The following ICAM1 variants were observed in gnomAD, a reference collection of about 807,000 sequenced individuals.
ICAM1 encodes the protein ICAM-1.
In ICAM1, 28 loss-of-function variants were observed where a neutral mutation model predicts 42.3. The ratio of observed to expected loss-of-function variants is 0.66; its 90% CI spans 0.49 to 0.91. The LOEUF (loss-of-function observed/expected upper bound fraction) is 0.91, where lower values mean the gene tolerates loss of function less well. ICAM1 is among the 40% of genes least tolerant of loss of function. The pLI is 0.00. For missense variants in ICAM1, 637 were observed against 688.6 expected (o/e 0.93, Z 0.84); for synonymous variants, 304 against 305.9 (o/e 0.99, Z 0.07).
chr19:10,272,555 CTTTTCTTTTTTTTT>C (rs2039989134), intron 1 of ICAM1, among the ~76,000 whole-genome samples: 1 of 108,512 alleles, frequency 9.2e-6, no homozygotes, highest in Non-Finnish European at 1.9e-5. Context: ...TCTTTCTTTT[CTTTTCTTTTTTTTT>C]TTTTTTTTTT....
At position 10,285,284 on chromosome 19, in the gene ICAM1, C is replaced by T; in HGVS notation, c.1596C>T (p.Pro532=). 6.2e-7 allele frequency: 1 copy of T among 1,613,660 alleles called. No homozygotes were observed. Among genetic ancestry groups the T allele is most frequent in the Non-Finnish European group, 8.5e-7 (1 of 1,179,712 alleles). The part of the protein sequence containing the change: ...PMKPNTQATP[P] ...AACCGAACACACAAGCCACGCCTCC[C>T]TGAACCTATCCCGGGACAGGGCCTC... The change falls in exon 7 of 7, where the codon CCC becomes CCT. Residue 532 remains proline, a synonymous_variant. Transcript: ENST00000264832.
rs1468830540 is a variant in ICAM1, at chr19:10,284,805, G to A, written c.1203G>A (p.Arg401=). Residue 401 remains arginine (R), a synonymous_variant, in exon 6 of 7, where the codon AGG becomes AGA. Coordinates refer to ENST00000264832, the MANE Select transcript of ICAM1 (RefSeq NM_000201.3). The surrounding 1 kb of genome is among the most constrained non-coding windows in gnomAD (Gnocchi z 5.4). ...RVLYGPRLDE[R]DCPGNWTWPE... ...CAGATGGCCCCCGACTGGACGAGAG[G>A]GATTGTCCGGGAAACTGGACGTGGC... 2 of 1,603,322 alleles carry A rather than the reference G, an allele frequency of 1.2e-6. No individual in the cohort carries two copies. The highest frequency in any genetic ancestry group is 3.6e-5 in the Admixed American group (2 of 55,588).
chr19:10,280,716 T>C (rs1330377035), intron 2 of ICAM1, among the ~76,000 whole-genome samples: 1 of 151,738 alleles, frequency 6.6e-6, no homozygotes, highest in Non-Finnish European at 1.5e-5. Flanking sequence ...ATTACAGGCA[T>C]GCGACACCAC....
chr19:10,274,732 A>G (rs1185128476), intron 1 of ICAM1, 33 bp from the exon 2 acceptor site: 1 of 1,601,144 alleles, frequency 6.2e-7, no homozygotes, highest in Non-Finnish European at 8.5e-7. Context: ...CCTGATTTGT[A>G]ATGCCTGTCG....
chr19:10,280,626 A>G lies in ICAM1; in HGVS notation c.332-2855A>G, dbSNP rs116228315. Reference sequence around the variant, plus strand: ...CTCTTATTGCCCAGGCTGAAGTGCAATGGCAGGATCTTAGCTCACCACAAC... The same window carrying G: ...CTCTTATTGCCCAGGCTGAAGTGCAGTGGCAGGATCTTAGCTCACCACAAC... On this transcript the variant is annotated intron_variant, in intron 2 of 6. Coordinates refer to ENST00000264832, the MANE Select transcript of ICAM1 (RefSeq NM_000201.3). 4.1e-3 allele frequency among the ~76,000 whole-genome samples: 624 copies of G among 151,856 alleles called. 6 individuals are homozygous for G. The highest frequency in any genetic ancestry group is 0.015 in the African/African-American group (610 of 41,352).
chr19:10,276,058 G>A (rs558297605), intron 2 of ICAM1, among the ~76,000 whole-genome samples: 9 of 151,838 alleles, frequency 5.9e-5, no homozygotes, highest in East Asian at 1.9e-4. Context: ...GCTGGGCATC[G>A]TGGTGTGCAC....
At chr19:10,278,342 G>A (rs1333889997) in intron 2 of ICAM1, among the ~76,000 whole-genome samples, 2 of 152,126 alleles carry the variant, frequency 1.3e-5, no homozygotes, top group South Asian at 2.1e-4. Flanking sequence ...CACGGTGAGT[G>A]ACAAAGGATG....
In ICAM1 at chr19:10,283,614, G is replaced by A. The variant is rs5492; in HGVS notation, c.465G>A (p.Lys155=). Residue 155 remains lysine, a synonymous_variant, in exon 3 of 7, where the codon AAG becomes AAA. Transcript: ENST00000264832. ...CCGTGGTGCTGCTCCGTGGGGAGAAGGAGCTGAAACGGGAGCCAGCTGTGG... is the reference window on the plus strand; with the variant it reads ...CCGTGGTGCTGCTCCGTGGGGAGAAAGAGCTGAAACGGGAGCCAGCTGTGG... The part of the protein sequence containing the change: ...NLTVVLLRGE[K]ELKREPAVGE... 6.2e-7 allele frequency: 1 copy of A among 1,613,906 alleles called. No homozygotes were observed. Among genetic ancestry groups the A allele is most frequent in the Admixed American group, 1.7e-5 (1 of 60,000 alleles).
intron 2 of ICAM1, among the ~76,000 whole-genome samples, chr19:10,278,373 G>A (rs965184237): frequency 2.0e-5 from 3 of 152,128 alleles, no homozygotes; most frequent in East Asian, 1.9e-4. Flanking sequence ...ATTGTGTCAG[G>A]GCAAGGAAGC....
intron 2 of ICAM1, among the ~76,000 whole-genome samples, chr19:10,278,923 C>T (rs996395088): frequency 3.3e-5 from 5 of 152,200 alleles, no homozygotes; most frequent in African/African-American, 2.4e-5. Context: ...GTGGGTGCCC[C>T]ACTTTGCCTT....
At position 10,284,609 on chromosome 19, in the gene ICAM1, G is replaced by A. The variant is rs2040088507; in HGVS notation, c.1132G>A (p.Ala378Thr). 1.2e-6 allele frequency: 2 copies of A among 1,614,164 alleles called. No homozygotes were observed. Among genetic ancestry groups the A allele is most frequent in the Non-Finnish European group, 1.7e-6 (2 of 1,180,028 alleles). ...CTCCTGCTCTGCAACCCTGGAGGTG[G>A]CCGGCCAGCTTATACACAAGAACCA... The part of the protein sequence containing the change: ...SFSCSATLEV[A>T]GQLIHKNQTR... Residue 378 changes from alanine to threonine, a missense_variant, in exon 5 of 7, where the codon GCC becomes ACC. Transcript: ENST00000264832. The surrounding 1 kb of genome is among the most constrained non-coding windows in gnomAD (Gnocchi z 5.4).
At position 10,285,117 on chromosome 19, in the gene ICAM1, C is replaced by G. The variant is rs369459423; in HGVS notation, c.1429C>G (p.Pro477Ala). 6.2e-7 allele frequency: 1 copy of G among 1,614,140 alleles called. No homozygotes were observed. The highest frequency in any genetic ancestry group is 8.5e-7 in the Non-Finnish European group (1 of 1,180,026). ...TRKVTVNVLS[P>A]RYEIVIITVV... The stretch of plus-strand genomic sequence containing the variant: ...CGCCTGTTGTATCCTCCCCACAGCC[C>G]CCCGGTATGAGATTGTCATCATCAC... Residue 477 changes from proline (P) to alanine (A), a missense_variant and splice_region_variant, in exon 7 of 7, where the codon CCC (proline) becomes GCC (alanine). Physicochemically the swap from Pro to Ala is conservative, Grantham distance 27. Coordinates refer to ENST00000264832, the MANE Select transcript of ICAM1 (RefSeq NM_000201.3).
chr19:10,283,153 A>C (rs1012939994), intron 2 of ICAM1: 4 of 215,030 alleles, frequency 1.9e-5, no homozygotes, highest in Non-Finnish European at 3.7e-5. Flanking sequence ...GCAGTGAGCC[A>C]AGATCGAGCC....
In ICAM1 at chr19:10,274,902, T is replaced by A; in HGVS notation, c.205T>A (p.Leu69Met). ...GIETPLPKKE[L>M]LLPGNNRKVY... ...AGAGACCCCGTTGCCTAAAAAGGAG[T>A]TGCTCCTGCCTGGGAACAACCGGAA... The change falls in exon 2 of 7, where the codon TTG (leucine) becomes ATG (methionine). Residue 69 changes from leucine (L) to methionine (M), a missense_variant. Coordinates refer to ENST00000264832, the MANE Select transcript of ICAM1 (RefSeq NM_000201.3). The A allele has an allele frequency of 3.1e-6, 5 of 1,613,918 alleles. No individual in the cohort carries two copies. The highest frequency in any genetic ancestry group is 4.2e-6 in the Non-Finnish European group (5 of 1,179,966).
chr19:10,282,929 C>CTTGA (rs5030379), intron 2 of ICAM1, among the ~76,000 whole-genome samples: 50,542 of 151,520 alleles, frequency 0.33, 9,306 homozygotes, highest in Admixed American at 0.46. Context: ...AGGAGAATTG[C>CTTGA]TTGAACCCAG....
At position 10,284,064 on chromosome 19, in the gene ICAM1, C is replaced by T; in HGVS notation, c.669C>T (p.Ser223=). 1.2e-6 allele frequency: 2 copies of T among 1,613,730 alleles called. No individual in the cohort carries two copies. Among genetic ancestry groups the T allele is most frequent in the Non-Finnish European group, 1.7e-6 (2 of 1,179,812 alleles). ...VLPATPPQLV[S]PRVLEVDTQG... Reference sequence around the variant, plus strand: ...CAGCGACTCCCCCACAACTTGTCAGCCCCCGGGTCCTAGAGGTGGACACGC... The same window carrying T: ...CAGCGACTCCCCCACAACTTGTCAGTCCCCGGGTCCTAGAGGTGGACACGC... The change falls in exon 4 of 7, where the codon AGC becomes AGT. Residue 223 remains serine, a synonymous_variant. Coordinates refer to ENST00000264832, the MANE Select transcript of ICAM1 (RefSeq NM_000201.3). The surrounding 1 kb of genome is among the most constrained non-coding windows in gnomAD (Gnocchi z 5.4).
At chr19:10,277,202 CAG>C (rs915878971) in intron 2 of ICAM1, among the ~76,000 whole-genome samples, 16 of 152,028 alleles carry the variant, frequency 1.1e-4, no homozygotes, top group Non-Finnish European at 1.5e-4. Context: ...TTTTTTGAGA[CAG>C]AGTTTCACTC....
At chr19:10,279,571 C>T (rs1599267530) in intron 2 of ICAM1, among the ~76,000 whole-genome samples, 1 of 151,974 alleles carries the variant, frequency 6.6e-6, no homozygotes, top group African/African-American at 2.4e-5. Context: ...GCCTCCTCCA[C>T]CTCCTGGGTT....
intron 2 of ICAM1, among the ~76,000 whole-genome samples, chr19:10,276,730 G>A (rs2040019837): frequency 6.6e-6 from 1 of 151,742 alleles, no homozygotes; most frequent in Admixed American, 6.6e-5. Flanking sequence ...CCAGCACTTT[G>A]GGAGGCTGAG....
Sources: gnomAD v4.1 joint callset for allele counts (sites outside exome capture counted in the v4.1 genomes callset) on GRCh38, gnomAD v4.1.1 for gene constraint, Gnocchi (gnomAD v3.1) non-coding constraint, MANE v1.5 for transcripts, NCBI Gene and HGNC (gene_info 2026-07-23, HGNC 2026-07-21) for gene names.